The following BNC2 variants were observed in gnomAD, a reference collection of about 807,000 sequenced individuals.
The protein encoded by BNC2 is basonuclin zinc finger protein 2.
BNC2 carries 20 observed loss-of-function variants against 76.3 expected under a neutral mutation model. That is an observed-to-expected ratio of 0.26 (90% CI 0.18 to 0.38). The LOEUF (loss-of-function observed/expected upper bound fraction) is 0.38. Among genes scored for constraint, BNC2 ranks in the 10% least tolerant of loss-of-function variants. The pLI is 1.00. For missense variants in BNC2, 1,382 were observed against 1,399.8 expected, an observed-to-expected ratio of 0.99 and a Z score of 0.20; for synonymous variants, 582 against 514.8, an observed-to-expected ratio of 1.13 and a Z score of -1.77.
intron 1 of BNC2, among the ~76,000 whole-genome samples, chr9:16,771,264 G>GA: frequency 6.6e-6 from 1 of 152,260 alleles, no homozygotes; most frequent in East Asian, 1.9e-4. Context: ...TAACAGACGT[G>GA]AAAAAAGGTA....
At chr9:16,557,402 G>C (rs1818869135) in intron 4 of BNC2, among the ~76,000 whole-genome samples, 1 of 151,966 alleles carries the variant, frequency 6.6e-6, no homozygotes, top group Non-Finnish European at 1.5e-5. Flanking sequence ...GGAAGGCTGA[G>C]GCAAGAGAAT....
rs368288400 is a variant in BNC2 at position 16,777,594 on chromosome 9, G to A, written c.4-39109C>T. ...CGGGTGCCTGTAGTCCCAGCTACTCGGGAGGCTGAGGCAAGAGAATGACGT... is the reference window on the plus strand; with the variant it reads ...CGGGTGCCTGTAGTCCCAGCTACTCAGGAGGCTGAGGCAAGAGAATGACGT... On this transcript the variant is annotated intron_variant, in intron 1 of 6. Transcript: ENST00000380672. Among the ~76,000 whole-genome samples, 8 of 151,586 alleles carry A rather than the reference G, an allele frequency of 5.3e-5. No homozygotes were observed. In the East Asian group the frequency reaches 5.9e-4, roughly 11 times the overall value.
chr9:16,758,347 T>C (rs62543864), intron 1 of BNC2, among the ~76,000 whole-genome samples: 1 of 48,486 alleles, frequency 2.1e-5, no homozygotes, highest in Non-Finnish European at 8.3e-5. Context: ...CCCTTGTCTT[T>C]CCTTTTTTTT....
intron 1 of BNC2, among the ~76,000 whole-genome samples, chr9:16,793,982 G>T (rs940566012): frequency 3.3e-5 from 5 of 151,008 alleles, no homozygotes; most frequent in African/African-American, 1.2e-4. Flanking sequence ...GATTACAGGC[G>T]TGAGCCACCG....
At chr9:16,438,459 C>A (rs1483799348) in intron 5 of BNC2, among the ~76,000 whole-genome samples, 2 of 152,128 alleles carry the variant, frequency 1.3e-5, no homozygotes, top group East Asian at 3.9e-4. Flanking sequence ...AAGCATTTCA[C>A]ACTTTCATTT....
chr9:16,824,797 G>T (rs555113145), intron 1 of BNC2, among the ~76,000 whole-genome samples: 68 of 152,296 alleles, frequency 4.5e-4, no homozygotes, highest in Middle Eastern at 3.4e-3. Flanking sequence ...AACAGCAGAG[G>T]CACAGTGAAA....
chr9:16,777,209 C>T (rs1032116833), intron 1 of BNC2, among the ~76,000 whole-genome samples: 9 of 151,712 alleles, frequency 5.9e-5, no homozygotes, highest in African/African-American at 1.9e-4. Flanking sequence ...TTGGGGCAGA[C>T]AAAGGCAAGA....
chr9:16,794,222 T>C (rs1458892804), intron 1 of BNC2, among the ~76,000 whole-genome samples: 4 of 152,164 alleles, frequency 2.6e-5, no homozygotes, highest in Admixed American at 6.5e-5. Context: ...ATGTGTTTTT[T>C]ATTCCAGATG....
chr9:16,524,825 G>A (rs1817742311), intron 5 of BNC2, among the ~76,000 whole-genome samples: 1 of 152,174 alleles, frequency 6.6e-6, no homozygotes, highest in Admixed American at 6.5e-5. Context: ...AGCAATCCCA[G>A]CACTTTGGGA....
At chr9:16,631,536 A>ACTATTGACTATTGACTATTGACT (rs1370715380) in intron 3 of BNC2, among the ~76,000 whole-genome samples, 3 of 152,230 alleles carry the variant, frequency 2.0e-5, no homozygotes, top group African/African-American at 2.4e-5. Flanking sequence ...AGGGACTTAG[A>ACTATTGACTATTGACTATTGACT]ATCACAGCCA....
At chr9:16,506,657 C>G (rs1224042773) in intron 5 of BNC2, among the ~76,000 whole-genome samples, 1 of 151,294 alleles carries the variant, frequency 6.6e-6, no homozygotes, top group Non-Finnish European at 1.5e-5. Flanking sequence ...TCCCGAGTAG[C>G]TGGGATTACA....
chr9:16,568,734 T>C (rs1356891662), intron 4 of BNC2, among the ~76,000 whole-genome samples: 1 of 152,116 alleles, frequency 6.6e-6, no homozygotes, highest in African/African-American at 2.4e-5. Flanking sequence ...AGAACATTAA[T>C]ATAGGGCAAT....
At position 16,648,297 on chromosome 9, in the gene BNC2, A is replaced by G. The variant is rs555132410; in HGVS notation, c.331-65212T>C. On this transcript the variant is annotated intron_variant, in intron 3 of 6. Transcript: ENST00000380672. The stretch of plus-strand genomic sequence containing the variant: ...CACTTGGCTGTTTTTAACTAAAACT[A>G]TATGGTTCAGAGATTCTTTGGGTTT... Among the ~76,000 whole-genome samples, 11 of 152,346 alleles carry G rather than the reference A, an allele frequency of 7.2e-5. No individual in the cohort carries two copies. In the East Asian group the frequency reaches 2.1e-3, roughly 29 times the overall value.
At chr9:16,557,666 C>T (rs1818878810) in intron 4 of BNC2, among the ~76,000 whole-genome samples, 1 of 152,020 alleles carries the variant, frequency 6.6e-6, no homozygotes, top group South Asian at 2.1e-4. Flanking sequence ...GCTTAAGTAT[C>T]TCAGTGGGCT....
At chr9:16,552,829 A>G (rs892011829) in intron 4 of BNC2, 64 bp from the exon 5 acceptor site, 4 of 1,347,346 alleles carry the variant, frequency 3.0e-6, no homozygotes, top group South Asian at 2.4e-5. Context: ...GAGAGAGAAC[A>G]GGAGTTAGAA....
chr9:16,830,817 T>C (rs1172734706), intron 1 of BNC2, among the ~76,000 whole-genome samples: 2 of 152,218 alleles, frequency 1.3e-5, no homozygotes, highest in East Asian at 3.8e-4. Context: ...AACTTACTCT[T>C]TACTCTGTAA....
intron 3 of BNC2, among the ~76,000 whole-genome samples, chr9:16,726,611 A>G (rs893082759): frequency 6.6e-6 from 1 of 150,670 alleles, no homozygotes; most frequent in Non-Finnish European, 1.5e-5. Context: ...CTTGAGTGGC[A>G]CAACATTTCT....
chr9:16,506,278 G>T (rs368291378), intron 5 of BNC2, among the ~76,000 whole-genome samples: 3 of 152,168 alleles, frequency 2.0e-5, no homozygotes, highest in South Asian at 2.1e-4. Context: ...CCACCCACTC[G>T]GCTCTGGATG....
intron 3 of BNC2, among the ~76,000 whole-genome samples, chr9:16,615,557 G>C (rs1040576133): frequency 4.6e-5 from 7 of 151,956 alleles, no homozygotes; most frequent in African/African-American, 1.7e-4. Context: ...CGTTTCCTTC[G>C]GTTTACTACT....
Sources: allele counts gnomAD v4.1 joint callset (sites outside exome capture counted in the v4.1 genomes callset), GRCh38; gene constraint gnomAD v4.1.1; transcripts MANE v1.5; gene names NCBI Gene and HGNC (gene_info 2026-07-23, HGNC 2026-07-21).